ASAP1: variants seen among roughly 807,000 people sequenced by gnomAD.
ASAP1 encodes ArfGAP with SH3 domain, ankyrin repeat and PH domain 1.
A neutral mutation model predicts 145.2 loss-of-function variants in ASAP1; 43 were observed. The ratio of observed to expected loss-of-function variants is 0.30; its 90% confidence interval spans 0.23 to 0.38. The LOEUF (loss-of-function observed/expected upper bound fraction) is 0.38, where lower values mean the gene tolerates loss of function less well. ASAP1 is among the 10% of genes least tolerant of loss of function. The probability of loss-of-function intolerance (pLI) is 1.00; values close to 1 mark genes in which losing one functional copy is unlikely to be tolerated. For synonymous variants in ASAP1, 546 were observed against 515.5 expected (o/e 1.06, Z -0.80); for missense variants, 1,018 against 1,355.3 (o/e 0.75, Z 3.91).
At chr8:130,228,813 ATTTT>A (rs920756162) in intron 4 of ASAP1, among the ~76,000 whole-genome samples, 12 of 151,454 alleles carry the variant, frequency 7.9e-5, no homozygotes, top group African/African-American at 2.9e-4. Context: ...AGTGGCTATT[ATTTT>A]TTTTTCTTTT....
intron 9 of ASAP1, among the ~76,000 whole-genome samples, chr8:130,177,951 A>T (rs1814081377): frequency 6.6e-6 from 1 of 152,194 alleles, no homozygotes; most frequent in Non-Finnish European, 1.5e-5. Flanking sequence ...TTGACGAGTG[A>T]GTATACTGAG....
chr8:130,102,433 C>A (rs1020679406), intron 24 of ASAP1, among the ~76,000 whole-genome samples: 1 of 152,180 alleles, frequency 6.6e-6, no homozygotes, highest in Non-Finnish European at 1.5e-5. Context: ...ATCCTTGCAT[C>A]CCTGCGATAA....
chr8:130,306,561 T>C (rs193269511), intron 3 of ASAP1, among the ~76,000 whole-genome samples: 3 of 152,308 alleles, frequency 2.0e-5, no homozygotes, highest in Admixed American at 1.3e-4. Flanking sequence ...TGGTTCTTTG[T>C]TTCCTCTCAA....
chr8:130,237,748 G>A (rs980013349), intron 3 of ASAP1, among the ~76,000 whole-genome samples: 19 of 151,940 alleles, frequency 1.3e-4, no homozygotes, highest in Non-Finnish European at 2.9e-5. Flanking sequence ...CAAATTGTGC[G>A]TTTAGGCTAT....
chr8:130,404,791 T>C (rs1828949744), intron 1 of ASAP1, among the ~76,000 whole-genome samples: 1 of 152,192 alleles, frequency 6.6e-6, no homozygotes, highest in South Asian at 2.1e-4. Flanking sequence ...GATCACTGAC[T>C]TGCTGTAGCC....
intron 11 of ASAP1, among the ~76,000 whole-genome samples, chr8:130,164,676 A>C (rs1352671391): frequency 6.6e-6 from 1 of 152,244 alleles, no homozygotes; most frequent in East Asian, 1.9e-4. Flanking sequence ...ACAAAAGCTT[A>C]ATATAATTTC....
intron 3 of ASAP1, among the ~76,000 whole-genome samples, chr8:130,319,708 T>C (rs1383052777): frequency 6.6e-6 from 1 of 152,144 alleles, no homozygotes; most frequent in Non-Finnish European, 1.5e-5. Flanking sequence ...AACGCACGTA[T>C]TAAAATAGCG....
chr8:130,260,089 C>T (rs1819803339), intron 3 of ASAP1, among the ~76,000 whole-genome samples: 1 of 152,088 alleles, frequency 6.6e-6, no homozygotes, highest in South Asian at 2.1e-4. Context: ...GGGAAAAAAC[C>T]CATTAAGAAT....
intron 3 of ASAP1, among the ~76,000 whole-genome samples, chr8:130,252,662 C>G (rs750778606): frequency 6.6e-6 from 1 of 152,144 alleles, no homozygotes; most frequent in Non-Finnish European, 1.5e-5. Context: ...CCTTGTGAAC[C>G]TCTAATTTCT....
rs1822600551 is a variant in ASAP1 at position 130,300,562 on chromosome 8, A to C, written c.186+57455T>G. Reference sequence around the variant, plus strand: ...TTTAATTGTCTAGGATGTGGCCTAGATTTTTAAGAGTTTCTAGCATGATTC... The same window carrying C: ...TTTAATTGTCTAGGATGTGGCCTAGCTTTTTAAGAGTTTCTAGCATGATTC... On this transcript the variant is annotated intron_variant, in intron 3 of 29. Coordinates refer to ENST00000518721, the MANE Select transcript of ASAP1 (RefSeq NM_018482.4). Among the ~76,000 whole-genome samples the C allele has an allele frequency of 3.3e-5, 5 of 152,154 alleles. No individual in the cohort carries two copies. In the South Asian group the frequency reaches 6.2e-4, roughly 19 times the overall value.
intron 1 of ASAP1, among the ~76,000 whole-genome samples, chr8:130,411,244 C>A (rs1178016372): frequency 6.6e-6 from 1 of 152,198 alleles, no homozygotes; most frequent in Non-Finnish European, 1.5e-5. Context: ...CAGGTCATTA[C>A]AGGCCAGGTG....
At chr8:130,319,587 C>T (rs1375442388) in intron 3 of ASAP1, among the ~76,000 whole-genome samples, 1 of 152,154 alleles carries the variant, frequency 6.6e-6, no homozygotes, top group Non-Finnish European at 1.5e-5. Flanking sequence ...ACACTGGCAT[C>T]CACTGGTGGA....
intron 13 of ASAP1, among the ~76,000 whole-genome samples, chr8:130,140,309 G>A (rs575880470): frequency 6.6e-6 from 1 of 151,788 alleles, no homozygotes; most frequent in East Asian, 1.9e-4. Context: ...GATTATAGGC[G>A]TGAGGCACCA....
At chr8:130,104,119 C>T (rs770838538) in intron 24 of ASAP1, among the ~76,000 whole-genome samples, 31 of 152,298 alleles carry the variant, frequency 2.0e-4, no homozygotes, top group East Asian at 1.5e-3. Flanking sequence ...TGCCAGGGCC[C>T]GGCATGCTCT....
chr8:130,105,744 T>A (rs2097535886), intron 24 of ASAP1, among the ~76,000 whole-genome samples: 1 of 152,174 alleles, frequency 6.6e-6, no homozygotes, highest in Middle Eastern at 3.4e-3. Context: ...CATGGTGGAG[T>A]AGAGTGCGCT....
chr8:130,090,672 G>A (rs563952261), intron 25 of ASAP1, among the ~76,000 whole-genome samples: 2 of 152,260 alleles, frequency 1.3e-5, no homozygotes, highest in South Asian at 2.1e-4. Context: ...ACCCACGTGT[G>A]TCCTGCATTA....
rs1268215256 is a variant in ASAP1, at chr8:130,358,736, G to GCCCGGCCCCCGC, written c.60-605_60-594dup. On this transcript the variant is annotated intron_variant, in intron 2 of 29. Transcript: ENST00000518721. This position sits in a 1 kb window ranked among gnomAD's most constrained non-coding sequence, Gnocchi z 4.1. ...CCTCCCCGCCCGCGCCCCGCCCCCG[G>GCCCGGCCCCCGC]CCCGGCCCCCGCCCCGCCCCGCCCC... Among the ~76,000 whole-genome samples, 1 of 57,808 alleles carries GCCCGGCCCCCGC rather than the reference G, an allele frequency of 1.7e-5. No individual in the cohort carries two copies. The highest frequency in any genetic ancestry group is 3.5e-5 in the Non-Finnish European group (1 of 28,674). The allele number at this position is 57,808 out of a possible 152,430, so 37.9% of individuals were successfully genotyped here.
chr8:130,128,114 A>C (rs767112320), intron 15 of ASAP1, 24 bp from the exon 16 acceptor site: 41 of 1,451,284 alleles, frequency 2.8e-5, no homozygotes, highest in Non-Finnish European at 3.7e-5. Flanking sequence ...CATAAGAGGA[A>C]AAAAGTCTTT....
chr8:130,107,859 C>T (rs1176487045), intron 24 of ASAP1, among the ~76,000 whole-genome samples: 2 of 152,146 alleles, frequency 1.3e-5, no homozygotes, highest in African/African-American at 4.8e-5. Flanking sequence ...ACCATAGTCT[C>T]TTTTGTGTGG....
Sources: gnomAD v4.1 joint callset for allele counts (sites outside exome capture counted in the v4.1 genomes callset) on GRCh38, gnomAD v4.1.1 for gene constraint, Gnocchi (gnomAD v3.1) non-coding constraint, MANE v1.5 for transcripts, NCBI Gene and HGNC (gene_info 2026-07-23, HGNC 2026-07-21) for gene names.